Variants in ZNF280D observed in about 807,000 individuals in gnomAD.
ZNF280D encodes zinc finger protein 280D.
A neutral mutation model predicts 94.7 loss-of-function variants in ZNF280D; 39 were observed. The ratio of observed to expected loss-of-function variants is 0.41; its 90% CI spans 0.32 to 0.54. The LOEUF is 0.54. ZNF280D is among the 20% of genes least tolerant of loss of function. The pLI, the probability that ZNF280D is intolerant of heterozygous loss-of-function variation, is 0.22. For missense variants in ZNF280D, 1,090 were observed against 1,149.3 expected (o/e 0.95, Z 0.75); for synonymous variants, 398 against 377.6 (o/e 1.05, Z -0.63).
At chr15:56,701,820 A>C (rs532162065) in intron 4 of ZNF280D, among the ~76,000 whole-genome samples, 37 of 152,252 alleles carry the variant, frequency 2.4e-4, no homozygotes, top group African/African-American at 8.4e-4. Flanking sequence ...CCAATAGTTC[A>C]TCATAGCATT....
chr15:56,700,165 T>G, intron 6 of ZNF280D: 1 of 978,132 alleles, frequency 1.0e-6, no homozygotes, highest in Non-Finnish European at 1.2e-6. Flanking sequence ...AATTCTTTCA[T>G]GTCTAAAAAA....
intron 21 of ZNF280D, 32 bp downstream of exon 21, chr15:56,635,163 T>C (rs1171619538): frequency 2.2e-6 from 3 of 1,388,882 alleles, no homozygotes; most frequent in Non-Finnish European, 3.0e-6. Context: ...TATACTTGAA[T>C]TTTATGAAAT....
At position 56,682,484 on chromosome 15, in the gene ZNF280D, G is replaced by GAAAA; in HGVS notation, c.781-8_781-7insTTTT. 1.0e-5 allele frequency: 4 copies of GAAAA among 400,656 alleles called. No individual in the cohort carries two copies. Among genetic ancestry groups the GAAAA allele is most frequent in the Admixed American group, 8.2e-5 (1 of 12,138 alleles). 24.8% of individuals were successfully genotyped at this position (400,656 alleles called of 1,614,324 possible). A position where few individuals can be genotyped will look rare whatever the true frequency, so the allele number is the denominator to read the frequency against. On this transcript the variant is annotated splice_region_variant and splice_polypyrimidine_tract_variant and intron_variant, in intron 9 of 21. Transcript: ENST00000267807. ...TCATGTCTGGACAACAATACTGAAA[G>GAAAA]AGAAAAAAAAAAAAAAAAAACAAGC...
At chr15:56,724,395 G>A (rs1184340588) in intron 1 of ZNF280D, among the ~76,000 whole-genome samples, 2 of 152,178 alleles carry the variant, frequency 1.3e-5, no homozygotes, top group African/African-American at 4.8e-5. Flanking sequence ...GGTGCAGTGA[G>A]GTGCAGAACA....
chr15:56,642,888 A>G, intron 20 of ZNF280D, 64 bp downstream of exon 20: 2 of 1,227,924 alleles, frequency 1.6e-6, no homozygotes, highest in South Asian at 1.9e-5. Flanking sequence ...AAAAAATTTT[A>G]TATCATACCA....
rs549244271 is a variant in ZNF280D at position 56,723,679 on chromosome 15, T to A, written c.-86+9779A>T. Among the ~76,000 whole-genome samples the A allele has an allele frequency of 7.2e-5, 11 of 152,236 alleles. No individual in the cohort carries two copies. The South Asian group carries it at 2.1e-3, about 29-fold the overall frequency. ...TAGTCAATTCCCCAACCCTATAGAC[T>A]TCCTTCAAAATATTTCCCACACCAT... On this transcript the variant is annotated intron_variant, in intron 1 of 21. Transcript: ENST00000267807.
chr15:56,692,439 G>A (rs1596522705), intron 7 of ZNF280D, among the ~76,000 whole-genome samples: 1 of 152,004 alleles, frequency 6.6e-6, no homozygotes, highest in South Asian at 2.1e-4. Context: ...AAGAGTAACT[G>A]CCTTGATTAC....
intron 20 of ZNF280D, among the ~76,000 whole-genome samples, chr15:56,636,759 C>T (rs1365551392): frequency 1.3e-5 from 2 of 152,026 alleles, no homozygotes; most frequent in African/African-American, 4.8e-5. Context: ...GCTGGGATTA[C>T]AGGCATGTTC....
At chr15:56,638,924 G>A (rs1446891000) in intron 20 of ZNF280D, among the ~76,000 whole-genome samples, 3 of 151,852 alleles carry the variant, frequency 2.0e-5, no homozygotes, top group Non-Finnish European at 4.4e-5. Context: ...CTTTAATTAT[G>A]TATGGGCGGG....
intron 16 of ZNF280D, among the ~76,000 whole-genome samples, chr15:56,658,931 T>C (rs1483041918): frequency 6.6e-6 from 1 of 151,408 alleles, no homozygotes; most frequent in Non-Finnish European, 1.5e-5. Context: ...AGGATCCAAA[T>C]GATCTGGGAA....
chr15:56,656,136 C>T (rs2053538135), intron 17 of ZNF280D, among the ~76,000 whole-genome samples: 1 of 152,180 alleles, frequency 6.6e-6, no homozygotes, highest in Admixed American at 6.5e-5. Context: ...TTAACTCCCA[C>T]CCAATAAACT....
At chr15:56,670,746 T>A (rs528215254) in intron 13 of ZNF280D, among the ~76,000 whole-genome samples, 6 of 152,068 alleles carry the variant, frequency 3.9e-5, no homozygotes, top group Admixed American at 1.3e-4. Context: ...TGTCTCTAGG[T>A]CTTCAAGGAA....
chr15:56,708,843 A>C lies in ZNF280D; in HGVS notation c.-85-1537T>G, dbSNP rs549897241. On this transcript the variant is annotated intron_variant, in intron 1 of 21. Coordinates refer to ENST00000267807, the MANE Select transcript of ZNF280D (RefSeq NM_017661.4). ...AAACTGGATCCCTTCCTTACACCTT[A>C]TACAAAAATTAATTCAAGATGGATT... 4.3e-4 allele frequency among the ~76,000 whole-genome samples: 65 copies of C among 152,274 alleles called. No homozygotes were observed. The South Asian group carries it at 8.3e-3, about 19-fold the overall frequency.
At chr15:56,645,415 C>A (rs115849850) in intron 19 of ZNF280D, 3 of 152,204 alleles carry the variant, frequency 2.0e-5, no homozygotes, top group Non-Finnish European at 4.4e-5. Flanking sequence ...CAAGAAATAA[C>A]TTTTCCCCTC....
chr15:56,716,783 G>A, intron 1 of ZNF280D, among the ~76,000 whole-genome samples: 1 of 152,112 alleles, frequency 6.6e-6, no homozygotes, highest in East Asian at 1.9e-4. Context: ...TATTGGCCAT[G>A]ATTCTTTCAA....
intron 1 of ZNF280D, among the ~76,000 whole-genome samples, chr15:56,713,680 C>T (rs2057892362): frequency 3.3e-5 from 5 of 152,128 alleles, no homozygotes; most frequent in Admixed American, 3.3e-4. Context: ...ATTTTGTGAT[C>T]CCTCAAGCAC....
At chr15:56,705,629 C>A (rs1206703004) in intron 3 of ZNF280D, among the ~76,000 whole-genome samples, 1 of 152,128 alleles carries the variant, frequency 6.6e-6, no homozygotes, top group Non-Finnish European at 1.5e-5. Context: ...AATATTAATT[C>A]CCTGGCCCTC....
chr15:56,656,778 T>C (rs755144334), intron 17 of ZNF280D, among the ~76,000 whole-genome samples: 23 of 152,034 alleles, frequency 1.5e-4, no homozygotes, highest in African/African-American at 3.4e-4. Context: ...TGAGAGAACA[T>C]AGGCAATAAG....
intron 20 of ZNF280D, 123 bp downstream of exon 20, chr15:56,642,828 CT>C: frequency 1.9e-6 from 1 of 535,598 alleles, no homozygotes. Context: ...GATTTTTTTT[CT>C]TCCTCACAAC....
Sources: gnomAD v4.1 joint callset for allele counts (sites outside exome capture counted in the v4.1 genomes callset) on GRCh38, gnomAD v4.1.1 for gene constraint, MANE v1.5 for transcripts, NCBI Gene and HGNC (gene_info 2026-07-23, HGNC 2026-07-21) for gene names.